DLG5: variants seen among roughly 807,000 people sequenced by gnomAD.
DLG5 encodes discs large MAGUK scaffold protein 5, also known as disks large homolog 5.
DLG5 carries 48 observed loss-of-function variants against 189.8 expected under a neutral mutation model. The observed-to-expected ratio is 0.25, with a 90% CI of 0.20 to 0.32. The LOEUF (loss-of-function observed/expected upper bound fraction) is 0.32. Among genes scored for constraint, DLG5 ranks in the 10% least tolerant of loss-of-function variants. The pLI, the probability that DLG5 is intolerant of heterozygous loss-of-function variation, is 1.00. For synonymous variants in DLG5, 1,016 were observed against 1,054.1 expected (o/e 0.96, Z 0.70); for missense variants, 2,160 against 2,544.7 (o/e 0.85, Z 3.25).
chr10:77,937,072 G>C, the DLG5 span, among the ~76,000 whole-genome samples: 6 of 152,168 alleles, frequency 3.9e-5, no homozygotes, highest in East Asian at 1.2e-3. Flanking sequence ...CACCTCTTCA[G>C]AACAACATAC....
chr10:77,867,243 A>T, intron 2 of DLG5: 1 of 375,342 alleles, frequency 2.7e-6, no homozygotes, highest in Non-Finnish European at 5.3e-6. Flanking sequence ...TGGGTTAGGC[A>T]AATACCCCTC....
Position 77,805,689 on chromosome 10 carries a change from T to G in DLG5, c.5140A>C (p.Ser1714Arg). The change falls in exon 27 of 32, where the codon AGT (serine) becomes CGT (arginine). Residue 1714 changes from serine to arginine, a missense_variant. Physicochemically the swap from Ser to Arg is moderately radical, Grantham distance 110 (BLOSUM62 -1). This residue lies in a region of DLG5 where 574 missense variants were observed against 644.2 expected (regional missense o/e 0.89). Transcript: ENST00000372391. ...CCTTCAAAGAGTGGAATGGAGTCAC[T>G]GGAAAAGGCATCCAAGGCGAGCAGG... ...KDLLALDAFS[S>R]DSIPLFEDSV... is the part of the protein sequence containing the mutation. 1 of 1,613,254 alleles carries G rather than the reference T, an allele frequency of 6.2e-7. No homozygotes were observed. Among genetic ancestry groups the G allele is most frequent in the East Asian group, 2.2e-5 (1 of 44,834 alleles).
chr10:77,804,619 T>C (rs1025779411), intron 27 of DLG5, among the ~76,000 whole-genome samples: 19 of 152,224 alleles, frequency 1.2e-4, no homozygotes, highest in Non-Finnish European at 1.8e-4. Context: ...GCCACGTTCC[T>C]AAGGGCCTCT....
rs142870019 is a variant in DLG5, at chr10:77,898,852, A to T, written c.304+27365T>A. ...ATGCAAAGACCCAGAAAGGGAGGGC[A>T]CTCACCCAAAGTCACCCACGCCGGG... On this transcript the variant is annotated intron_variant, in intron 1 of 31. Transcript: ENST00000372391. 5.2e-3 allele frequency among the ~76,000 whole-genome samples: 794 copies of T among 152,250 alleles called. 9 individuals carry two copies. The highest frequency in any genetic ancestry group is 0.018 in the African/African-American group (755 of 41,548).
intron 1 of DLG5, among the ~76,000 whole-genome samples, chr10:77,879,115 T>C (rs1380636263): frequency 6.6e-6 from 1 of 152,134 alleles, no homozygotes; most frequent in Admixed American, 6.5e-5. Context: ...AAGAAAAATG[T>C]TGCAGAGTTA....
intron 14 of DLG5, among the ~76,000 whole-genome samples, chr10:77,823,758 C>T (rs555514363): frequency 6.6e-6 from 1 of 152,192 alleles, no homozygotes; most frequent in Admixed American, 6.5e-5. Context: ...CTCGAACTCC[C>T]GACCTCAGGT....
intron 23 of DLG5, 98 bp downstream of exon 23, chr10:77,810,996 T>G: frequency 2.1e-6 from 3 of 1,462,358 alleles, no homozygotes; most frequent in South Asian, 1.3e-5. Flanking sequence ...CTGCAGCACA[T>G]GAGGCCAGCT....
In DLG5 at chr10:77,842,088, C is replaced by A; in HGVS notation, c.1230G>T (p.Thr410=). The A allele has an allele frequency of 1.9e-6, 3 of 1,613,886 alleles. No homozygotes were observed. The highest frequency in any genetic ancestry group is 2.2e-5 in the South Asian group (2 of 91,092). The change falls in exon 7 of 32, where the codon ACG becomes ACT. Residue 410 remains threonine (T), a synonymous_variant. Coordinates refer to ENST00000372391, the MANE Select transcript of DLG5 (RefSeq NM_004747.4). ...CCGACTCCTTTGCTGTCTTCACCTGCGTGGTTCTCAGCTCGGTCAGCTCTG... is the reference window on the plus strand; with the variant it reads ...CCGACTCCTTTGCTGTCTTCACCTGAGTGGTTCTCAGCTCGGTCAGCTCTG... ...LQSELTELRT[T]QVKTAKESEK...
At chr10:77,934,228 G>A in the DLG5 span, among the ~76,000 whole-genome samples, 5 of 150,892 alleles carry the variant, frequency 3.3e-5, no homozygotes, top group Non-Finnish European at 5.9e-5. Flanking sequence ...AAAATTATCC[G>A]AGTATGGTGG....
At chr10:77,911,803 G>A (rs529453608) in intron 1 of DLG5, among the ~76,000 whole-genome samples, 1 of 152,108 alleles carries the variant, frequency 6.6e-6, no homozygotes, top group South Asian at 2.1e-4. Flanking sequence ...CAGCCCCCAC[G>A]GCAGGCTGCA....
chr10:77,831,938 A>G (rs1023106598), intron 9 of DLG5, among the ~76,000 whole-genome samples: 2 of 152,190 alleles, frequency 1.3e-5, no homozygotes, highest in Non-Finnish European at 2.9e-5. Context: ...CCGGATGCGG[A>G]GGCTCACGCC....
At chr10:77,852,508 C>T (rs1173355862) in intron 5 of DLG5, among the ~76,000 whole-genome samples, 7 of 151,866 alleles carry the variant, frequency 4.6e-5, no homozygotes, top group Non-Finnish European at 7.4e-5. Flanking sequence ...CTCTGCCTGC[C>T]GGGTTCACGC....
rs771874449 is a variant in DLG5, at chr10:77,819,300, G to T, written c.3671+21C>A. The T allele has an allele frequency of 1.1e-5, 17 of 1,613,530 alleles. No homozygotes were observed. The South Asian group carries it at 1.8e-4, about 17-fold the overall frequency. On this transcript the variant is annotated intron_variant, in intron 17 of 31. Coordinates refer to ENST00000372391, the MANE Select transcript of DLG5 (RefSeq NM_004747.4). ...GCTTGGGCAGCTGGAGTACAGAGAA[G>T]CGTAGGGTGCCTTCACATACCTGGG...
chr10:77,900,865 G>A lies in DLG5; in HGVS notation c.304+25352C>T, dbSNP rs184874910. 3.5e-3 allele frequency among the ~76,000 whole-genome samples: 537 copies of A among 152,328 alleles called. 2 individuals carry two copies. The highest frequency in any genetic ancestry group is 0.019 in the South Asian group (91 of 4,830). ...CAGGAGGATTGCTTGAACCCGGGAGGCGGAGGTTGCAGTGAGCCAAGATCG... is the reference window on the plus strand; with the variant it reads ...CAGGAGGATTGCTTGAACCCGGGAGACGGAGGTTGCAGTGAGCCAAGATCG... On this transcript the variant is annotated intron_variant, in intron 1 of 31. Coordinates refer to ENST00000372391, the MANE Select transcript of DLG5 (RefSeq NM_004747.4).
intron 20 of DLG5, 62 bp downstream of exon 20, chr10:77,816,489 C>T (rs766957807): frequency 1.1e-4 from 179 of 1,611,030 alleles, no homozygotes; most frequent in Non-Finnish European, 1.4e-4. Context: ...AGCCCAGGCC[C>T]GCTGCCGGGA....
intron 16 of DLG5, 179 bp downstream of exon 16, chr10:77,819,716 A>C: frequency 2.6e-6 from 3 of 1,140,508 alleles, no homozygotes; most frequent in Non-Finnish European, 3.7e-6. Flanking sequence ...TTGACAAGCT[A>C]AGACATGTCA....
At chr10:77,913,275 G>A (rs969263539) in intron 1 of DLG5, among the ~76,000 whole-genome samples, 5 of 151,988 alleles carry the variant, frequency 3.3e-5, no homozygotes, top group Admixed American at 6.6e-5. Flanking sequence ...TGAAACAACC[G>A]GCCTGGGCAA....
At chr10:77,930,358 T>A (rs1456066779), upstream of DLG5, among the ~76,000 whole-genome samples, 3 of 152,102 alleles carry the variant, frequency 2.0e-5, no homozygotes, top group Non-Finnish European at 4.4e-5. Context: ...ATTTTATTTG[T>A]TTTTCTGGAG....
At chr10:77,879,118 C>T (rs189306822) in intron 1 of DLG5, among the ~76,000 whole-genome samples, 135 of 152,178 alleles carry the variant, frequency 8.9e-4, no homozygotes, top group Middle Eastern at 3.4e-3. Flanking sequence ...AAAAATGTTG[C>T]AGAGTTAAAT....
Sources: allele counts gnomAD v4.1 joint callset (sites outside exome capture counted in the v4.1 genomes callset), GRCh38; gene constraint gnomAD v4.1.1; regional missense constraint gnomAD v4.1.1; transcripts MANE v1.5; gene names NCBI Gene and HGNC (gene_info 2026-07-23, HGNC 2026-07-21).